Variants in PSD3 observed in about 807,000 individuals in gnomAD.
PSD3 encodes the protein pleckstrin and Sec7 domain containing 3.
PSD3 carries 49 observed loss-of-function variants against 105.5 expected under a neutral mutation model. The ratio of observed to expected loss-of-function variants is 0.46; its 90% CI spans 0.37 to 0.59. The LOEUF is 0.59. Among genes scored for constraint, PSD3 ranks in the 20% least tolerant of loss-of-function variants. PSD3 has a pLI of 0.00. For synonymous variants in PSD3, 557 were observed against 457.8 expected (o/e 1.22, Z -2.77); for missense variants, 1,561 against 1,263.8 (o/e 1.24, Z -3.57).
intron 2 of PSD3, among the ~76,000 whole-genome samples, chr8:18,883,311 A>G (rs980571410): frequency 4.6e-5 from 7 of 152,198 alleles, no homozygotes; most frequent in Non-Finnish European, 8.8e-5. Context: ...GACATCAACT[A>G]AAGTAAGTTC....
chr8:18,607,350 A>C (rs1804914118), intron 11 of PSD3, among the ~76,000 whole-genome samples: 1 of 152,178 alleles, frequency 6.6e-6, no homozygotes, highest in Non-Finnish European at 1.5e-5. Flanking sequence ...TGCTGAACAC[A>C]TACTGTTTTA....
intron 1 of PSD3, among the ~76,000 whole-genome samples, chr8:18,965,392 C>G (rs1824174130): frequency 1.3e-5 from 2 of 152,188 alleles, no homozygotes; most frequent in South Asian, 4.1e-4. Context: ...GAACCAGCGT[C>G]CCCTCTATGG....
At chr8:18,840,440 T>C (rs556343132) in intron 4 of PSD3, among the ~76,000 whole-genome samples, 1 of 152,348 alleles carries the variant, frequency 6.6e-6, no homozygotes, top group Admixed American at 6.5e-5. Context: ...GTGGGATCTA[T>C]CATGAGCTTT....
At chr8:18,666,175 T>A (rs573248509) in intron 9 of PSD3, among the ~76,000 whole-genome samples, 27 of 152,330 alleles carry the variant, frequency 1.8e-4, no homozygotes, top group African/African-American at 6.3e-4. Context: ...CTTAGCCTCC[T>A]GAGTAGCTGG....
intron 1 of PSD3, among the ~76,000 whole-genome samples, chr8:18,937,320 G>A (rs17127475): frequency 6.6e-6 from 1 of 152,140 alleles, no homozygotes; most frequent in African/African-American, 2.4e-5. Context: ...CTACCCACTG[G>A]TTATGAGACA....
chr8:19,078,022 A>T (rs1027557070), intron 1 of PSD3, among the ~76,000 whole-genome samples: 1 of 151,974 alleles, frequency 6.6e-6, no homozygotes, highest in African/African-American at 2.4e-5. Context: ...CTATAAATCT[A>T]CAAGGAAAAA....
intron 10 of PSD3, among the ~76,000 whole-genome samples, chr8:18,635,640 C>A (rs1199285581): frequency 6.6e-6 from 1 of 152,014 alleles, no homozygotes; most frequent in African/African-American, 2.4e-5. Context: ...AACCCAAATG[C>A]CCACCAATGA....
chr8:18,934,841 G>A (rs1181334973), intron 2 of PSD3, among the ~76,000 whole-genome samples: 2 of 152,162 alleles, frequency 1.3e-5, no homozygotes, highest in Non-Finnish European at 2.9e-5. Context: ...CTCAAGATAT[G>A]CTAATATCCC....
At chr8:18,960,747 A>G (rs2059645) in intron 1 of PSD3, among the ~76,000 whole-genome samples, 132,527 of 152,104 alleles carry the variant, frequency 0.87, 57,833 homozygotes, top group East Asian at 0.94. Flanking sequence ...GGAGGAAAAC[A>G]GCAATTTATT....
chr8:18,945,405 A>C (rs1269922794), intron 1 of PSD3, among the ~76,000 whole-genome samples: 1 of 152,174 alleles, frequency 6.6e-6, no homozygotes, highest in Non-Finnish European at 1.5e-5. Flanking sequence ...AAGATGGAGG[A>C]AGGGGCTGTG....
chr8:18,655,529 T>G, intron 10 of PSD3, 113 bp downstream of exon 10: 1 of 998,226 alleles, frequency 1.0e-6, no homozygotes, highest in Non-Finnish European at 1.6e-6. Context: ...TGGTGTAAAA[T>G]GAGAATTGGC....
chr8:18,867,872 G>A lies in PSD3; in HGVS notation c.1436C>T (p.Thr479Ile), dbSNP rs1817059103. The change falls in exon 4 of 16, where the codon ACT becomes ATT. Residue 479 changes from threonine to isoleucine, a missense_variant. Thr to Ile is a moderately conservative substitution (Grantham distance 89, BLOSUM62 -1). Transcript: ENST00000327040. Reference protein sequence around the residue: ...DSYFSFEMPLTPMIQQRIKEG... With the variant: ...DSYFSFEMPLIPMIQQRIKEG... ...TTTAATGCGCTGTTGTATCATTGGAGTGAGGGGCATTTCAAAGCTAAAATA... is the reference window on the plus strand; with the variant it reads ...TTTAATGCGCTGTTGTATCATTGGAATGAGGGGCATTTCAAAGCTAAAATA... 11 of 1,614,162 alleles carry A rather than the reference G, an allele frequency of 6.8e-6. No homozygotes were observed. The highest frequency in any genetic ancestry group is 1.3e-5 in the African/African-American group (1 of 75,044).
chr8:18,938,602 G>A (rs1424026780), intron 1 of PSD3, among the ~76,000 whole-genome samples: 4 of 131,474 alleles, frequency 3.0e-5, no homozygotes, highest in Admixed American at 8.7e-5. Flanking sequence ...CAGCCTAGGC[G>A]ACAAAAGCGA....
chr8:18,833,638 A>C (rs2129450638), intron 4 of PSD3, among the ~76,000 whole-genome samples: 1 of 152,338 alleles, frequency 6.6e-6, no homozygotes, highest in Non-Finnish European at 1.5e-5. Flanking sequence ...AAGTTACCAG[A>C]GCATTCCAGT....
intron 14 of PSD3, among the ~76,000 whole-genome samples, chr8:18,563,671 T>C (rs533246565): frequency 6.6e-6 from 1 of 152,198 alleles, no homozygotes; most frequent in Non-Finnish European, 1.5e-5. Flanking sequence ...ACTTGTTTTA[T>C]TGGGTACTTA....
At chr8:18,751,061 C>A (rs1585831663) in intron 9 of PSD3, among the ~76,000 whole-genome samples, 1 of 152,138 alleles carries the variant, frequency 6.6e-6, no homozygotes, top group Admixed American at 6.5e-5. Flanking sequence ...AGCCCTTGGG[C>A]AGTTGATGGA....
intron 15 of PSD3, among the ~76,000 whole-genome samples, chr8:18,540,200 A>G: frequency 6.6e-6 from 1 of 152,216 alleles, no homozygotes; most frequent in Non-Finnish European, 1.5e-5. Context: ...AGAAGGTGGT[A>G]GGCAATAAGG....
chr8:18,638,489 C>T (rs899870583), intron 10 of PSD3, among the ~76,000 whole-genome samples: 4 of 151,894 alleles, frequency 2.6e-5, no homozygotes, highest in Non-Finnish European at 5.9e-5. Flanking sequence ...TTTTTGTACA[C>T]TAACTACTCA....
At chr8:18,883,642 A>T (rs1382157257) in intron 2 of PSD3, among the ~76,000 whole-genome samples, 2 of 152,222 alleles carry the variant, frequency 1.3e-5, no homozygotes, top group African/African-American at 4.8e-5. Context: ...AGGGAAGGGT[A>T]AGGACTTTCC....
Sources: gnomAD v4.1 joint callset for allele counts (sites outside exome capture counted in the v4.1 genomes callset) on GRCh38, gnomAD v4.1.1 for gene constraint, MANE v1.5 for transcripts, NCBI Gene and HGNC (gene_info 2026-07-23, HGNC 2026-07-21) for gene names.